The following TEN1 variants were observed in gnomAD, a reference collection of about 807,000 sequenced individuals.
The protein encoded by TEN1 is CST complex subunit TEN1.
Under a neutral mutation model 9.3 loss-of-function variants are expected in TEN1, and 6 were observed. The observed-to-expected ratio is 0.65, with a 90% confidence interval of 0.35 to 1.27. TEN1 has a LOEUF of 1.27. TEN1 is among the 50% of genes most tolerant of loss of function. The probability of loss-of-function intolerance (pLI) is 0.03; values close to 1 mark genes in which losing one functional copy is unlikely to be tolerated. For missense variants in TEN1, 149 were observed against 158.2 expected (o/e 0.94, Z 0.31); for synonymous variants, 65 against 65.6 (o/e 0.99, Z 0.04).
chr17:75,991,422 T>G, intron 2 of TEN1, 44 bp from the exon 3 acceptor site: 1 of 1,546,318 alleles, frequency 6.5e-7, no homozygotes, highest in Non-Finnish European at 8.7e-7. Flanking sequence ...GTGGTGGTGA[T>G]TCTACGTATG....
At position 75,979,495 on chromosome 17, in the gene TEN1, G is replaced by C. The variant is rs1357373617; in HGVS notation, c.-23G>C. The C allele has an allele frequency of 8.8e-6, 3 of 339,608 alleles. No homozygotes were observed. The highest frequency in any genetic ancestry group is 1.7e-5 in the Non-Finnish European group (3 of 174,088). 21.0% of individuals were successfully genotyped at this position (339,608 alleles called of 1,614,324 possible). On this transcript the variant is annotated 5_prime_UTR_variant, in exon 1 of 4. Coordinates refer to ENST00000397640, the MANE Select transcript of TEN1 (RefSeq NM_001113324.3). The stretch of plus-strand genomic sequence containing the variant: ...GGCGGAAAGAAGAAATCCGAGGACC[G>C]GCGACGCCTAGAACAGGTTGGCTGG...
chr17:75,986,468 G>A (rs558484137), intron 2 of TEN1, among the ~76,000 whole-genome samples, 184 bp downstream of exon 2: 2 of 152,100 alleles, frequency 1.3e-5, no homozygotes, highest in East Asian at 3.9e-4. Flanking sequence ...TTGGGAGGCC[G>A]AGGTGGGTGG....
intron 1 of TEN1, among the ~76,000 whole-genome samples, chr17:75,980,311 C>T (rs1190792016): frequency 6.6e-6 from 1 of 152,096 alleles, no homozygotes; most frequent in Non-Finnish European, 1.5e-5. Context: ...TGCACTCCAT[C>T]CTGGGCAACA....
intron 3 of TEN1, among the ~76,000 whole-genome samples, chr17:75,996,172 C>G (rs1185623328): frequency 6.6e-6 from 1 of 151,998 alleles, no homozygotes; most frequent in Non-Finnish European, 1.5e-5. Context: ...TGGTGGATTA[C>G]TTGAGTCCAG....
chr17:75,986,825 CCAGA>C (rs2066155341), intron 2 of TEN1, among the ~76,000 whole-genome samples: 1 of 151,858 alleles, frequency 6.6e-6, no homozygotes, highest in Non-Finnish European at 1.5e-5. Context: ...ATCCCATTAC[CCAGA>C]CAACCACTGC....
chr17:75,993,944 A>G (rs2144359316), intron 3 of TEN1, among the ~76,000 whole-genome samples: 1 of 151,726 alleles, frequency 6.6e-6, no homozygotes, highest in African/African-American at 2.4e-5. Flanking sequence ...GGTTGCAGTG[A>G]GCGGAGATCG....
intron 1 of TEN1, among the ~76,000 whole-genome samples, chr17:75,980,118 C>T (rs756101984): frequency 6.6e-6 from 1 of 152,130 alleles, no homozygotes; most frequent in Non-Finnish European, 1.5e-5. Context: ...GGGCGTATCA[C>T]TTGAGCCCAG....
intron 2 of TEN1, among the ~76,000 whole-genome samples, chr17:75,991,162 A>AAAAAAAG (rs1399868085): frequency 1.3e-5 from 2 of 150,556 alleles, no homozygotes; most frequent in African/African-American, 4.9e-5. Flanking sequence ...AAAAAAAAAA[A>AAAAAAAG]AAAAAAGAAA....
At chr17:75,986,312 G>T in intron 2 of TEN1, 28 bp downstream of exon 2, 1 of 1,520,386 alleles carries the variant, frequency 6.6e-7, no homozygotes, top group Non-Finnish European at 8.9e-7. Context: ...TTTCACTGGT[G>T]GGGGTGATGA....
In TEN1 at chr17:75,986,170, C is replaced by A. The variant is rs561792133; in HGVS notation, c.-6-17C>A. On this transcript the variant is annotated splice_polypyrimidine_tract_variant and intron_variant, in intron 1 of 3. Coordinates refer to ENST00000397640, the MANE Select transcript of TEN1 (RefSeq NM_001113324.3). ...TATCAGGAATCTTCAAAATCCCTCT[C>A]AACTATTTGGTTACAGGAGCCCATG... The A allele has an allele frequency of 3.7e-5, 56 of 1,530,616 alleles. No homozygotes were observed. Among genetic ancestry groups the A allele is most frequent in the Non-Finnish European group, 4.8e-5 (54 of 1,135,380 alleles). 94.8% of individuals were successfully genotyped at this position (1,530,616 alleles called of 1,614,324 possible).
chr17:75,999,112 G>A lies in TEN1; in HGVS notation c.251-1029G>A, dbSNP rs77610806. Among the ~76,000 whole-genome samples, 193 of 152,108 alleles carry A rather than the reference G, an allele frequency of 1.3e-3. 5 individuals carry two copies. In the East Asian group the frequency reaches 0.032, roughly 25 times the overall value. ...TATAATCCATGCATGTTGGGAGGCCGAGGCGGGCAGATCACTTGACCCCAG... is the reference window on the plus strand; with the variant it reads ...TATAATCCATGCATGTTGGGAGGCCAAGGCGGGCAGATCACTTGACCCCAG... On this transcript the variant is annotated intron_variant, in intron 3 of 3. Coordinates refer to ENST00000397640, the MANE Select transcript of TEN1 (RefSeq NM_001113324.3).
chr17:75,994,259 A>C (rs1598215994), intron 3 of TEN1, among the ~76,000 whole-genome samples: 1 of 150,114 alleles, frequency 6.7e-6, no homozygotes, highest in Non-Finnish European at 1.5e-5. Flanking sequence ...ACATGGAGAA[A>C]CCCTGCCTCT....
intron 1 of TEN1, chr17:75,984,744 C>T (rs1351436139): frequency 6.6e-6 from 1 of 152,256 alleles, no homozygotes; most frequent in African/African-American, 2.4e-5. Context: ...TCCAGAGTCA[C>T]AGTCTGTTCC....
chr17:75,979,315 A>G lies in TEN1; in HGVS notation c.-203A>G. On this transcript the variant is annotated 5_prime_UTR_variant, in exon 1 of 4. Coordinates refer to ENST00000397640, the MANE Select transcript of TEN1 (RefSeq NM_001113324.3). ...TCGTGGCTGGGGCCGGTCGCGGGGC[A>G]GACTAATCCCCTGCTCCTGGCCAGG... 1 of 613,596 alleles carries G rather than the reference A, an allele frequency of 1.6e-6. No individual in the cohort carries two copies. Among genetic ancestry groups the G allele is most frequent in the Non-Finnish European group, 2.9e-6 (1 of 347,006 alleles). The allele number at this position is 613,596 out of a possible 1,614,324, so 38.0% of individuals were successfully genotyped here.
At chr17:75,991,971 A>T (rs916258938) in intron 3 of TEN1, among the ~76,000 whole-genome samples, 1 of 147,062 alleles carries the variant, frequency 6.8e-6, no homozygotes, top group Non-Finnish European at 1.5e-5. Context: ...CACTTGCACC[A>T]GGGAGGTACA....
At chr17:75,982,646 G>A (rs549777430) in intron 1 of TEN1, among the ~76,000 whole-genome samples, 2 of 152,230 alleles carry the variant, frequency 1.3e-5, no homozygotes, top group Admixed American at 6.5e-5. Flanking sequence ...ATGCAGTGGC[G>A]CAACCATAGT....
intron 3 of TEN1, among the ~76,000 whole-genome samples, chr17:75,995,236 GA>G (rs1160913885): frequency 1.3e-5 from 2 of 148,334 alleles, no homozygotes; most frequent in Admixed American, 6.8e-5. Context: ...AAAAAAAAAG[GA>G]AAAAAAAGTC....
chr17:75,991,877 T>C (rs1301299433), intron 3 of TEN1, among the ~76,000 whole-genome samples: 2 of 151,966 alleles, frequency 1.3e-5, no homozygotes, highest in Non-Finnish European at 2.9e-5. Flanking sequence ...CGAAACCCCA[T>C]CCCTACTAAA....
chr17:75,995,233 AAG>A (rs1555621992), intron 3 of TEN1, among the ~76,000 whole-genome samples: 2 of 151,330 alleles, frequency 1.3e-5, no homozygotes, highest in African/African-American at 4.9e-5. Flanking sequence ...AAAAAAAAAA[AAG>A]GAAAAAAAAG....
Sources: allele counts gnomAD v4.1 joint callset (sites outside exome capture counted in the v4.1 genomes callset), GRCh38; gene constraint gnomAD v4.1.1; transcripts MANE v1.5; gene names NCBI Gene and HGNC (gene_info 2026-07-23, HGNC 2026-07-21).